Variants in BACH2 observed in about 807,000 individuals in gnomAD.
BACH2 encodes the protein BACH transcriptional regulator 2.
Under a neutral mutation model 61.8 loss-of-function variants are expected in BACH2, and 5 were observed. The observed-to-expected ratio is 0.08, with a 90% CI of 0.04 to 0.17. The LOEUF (loss-of-function observed/expected upper bound fraction) is 0.17. Among genes scored for constraint, BACH2 ranks in the 10% least tolerant of loss-of-function variants. The probability of loss-of-function intolerance (pLI) is 1.00; values close to 1 mark genes in which losing one functional copy is unlikely to be tolerated. For synonymous variants in BACH2, 446 were observed against 440.1 expected (o/e 1.01, Z -0.17); for missense variants, 824 against 1,091.1 (o/e 0.76, Z 3.45).
chr6:90,156,079 CT>C (rs1347385469), intron 4 of BACH2, among the ~76,000 whole-genome samples: 3 of 152,126 alleles, frequency 2.0e-5, no homozygotes, highest in Non-Finnish European at 4.4e-5. Flanking sequence ...GAAGCAGTGA[CT>C]CACCTGAAAA....
chr6:90,033,263 C>T (rs935262119), intron 5 of BACH2, among the ~76,000 whole-genome samples: 3 of 150,744 alleles, frequency 2.0e-5, no homozygotes, highest in South Asian at 2.1e-4. Flanking sequence ...TGTTAAATGA[C>T]GTGTTACTGG....
intron 6 of BACH2, among the ~76,000 whole-genome samples, chr6:89,970,701 C>A (rs989700304): frequency 6.6e-6 from 1 of 151,944 alleles, no homozygotes; most frequent in Non-Finnish European, 1.5e-5. Flanking sequence ...TGTTTCTGGC[C>A]CCCCCCAGAT....
intron 5 of BACH2, among the ~76,000 whole-genome samples, chr6:90,057,812 G>A (rs1780451011): frequency 6.6e-6 from 1 of 152,168 alleles, no homozygotes; most frequent in South Asian, 2.1e-4. Context: ...ATGCAAGGCT[G>A]GTTCAACATA....
At chr6:90,151,131 C>T (rs1295203352) in intron 4 of BACH2, among the ~76,000 whole-genome samples, 1 of 152,166 alleles carries the variant, frequency 6.6e-6, no homozygotes, top group Non-Finnish European at 1.5e-5. Context: ...CACTTTTTGG[C>T]ATTCTATCAG....
At chr6:90,230,086 A>T (rs1033545496) in intron 3 of BACH2, among the ~76,000 whole-genome samples, 1 of 152,194 alleles carries the variant, frequency 6.6e-6, no homozygotes, top group African/African-American at 2.4e-5. Flanking sequence ...AAAGTTCCCC[A>T]GGTGTGGTTA....
chr6:90,176,235 A>G (rs1013095661), intron 4 of BACH2, among the ~76,000 whole-genome samples: 2 of 152,204 alleles, frequency 1.3e-5, no homozygotes. Context: ...ACACATAGCA[A>G]AGCAGGAGTT....
At chr6:90,011,803 C>A (rs879491447) in intron 5 of BACH2, among the ~76,000 whole-genome samples, 1 of 151,736 alleles carries the variant, frequency 6.6e-6, no homozygotes, top group African/African-American at 2.4e-5. Flanking sequence ...TGCCTGTAAT[C>A]CCAGCTACTT....
chr6:90,185,577 C>G (rs1311121807), intron 4 of BACH2, among the ~76,000 whole-genome samples: 1 of 151,940 alleles, frequency 6.6e-6, no homozygotes, highest in Non-Finnish European at 1.5e-5. Context: ...ACTTTACTTT[C>G]CAATTTTTCT....
chr6:90,159,855 T>C (rs905701720), intron 4 of BACH2, among the ~76,000 whole-genome samples: 4 of 152,220 alleles, frequency 2.6e-5, no homozygotes, highest in Non-Finnish European at 5.9e-5. Context: ...AAATTGTGTA[T>C]ATATTTGTGA....
rs147151413 is a variant in BACH2, at chr6:89,951,960, C to T, written c.244-98G>A. The stretch of plus-strand genomic sequence containing the variant: ...AAGATAACCAGACAGTGCTAATGTC[C>T]CAGAATAAAGACTGCAAAGGGGCAG... On this transcript the variant is annotated intron_variant, in intron 6 of 8. Coordinates refer to ENST00000257749, the MANE Select transcript of BACH2 (RefSeq NM_021813.4). This position sits in a 1 kb window ranked among gnomAD's most constrained non-coding sequence, Gnocchi z 6.4. 7.1e-6 allele frequency: 10 copies of T among 1,410,638 alleles called. No individual in the cohort carries two copies. In the African/African-American group the frequency reaches 1.3e-4, roughly 18 times the overall value. The allele number at this position is 1,410,638 out of a possible 1,614,324, so 87.4% of individuals were successfully genotyped here.
At chr6:90,232,010 A>G (rs1770116351) in intron 3 of BACH2, among the ~76,000 whole-genome samples, 1 of 152,192 alleles carries the variant, frequency 6.6e-6, no homozygotes, top group South Asian at 2.1e-4. Flanking sequence ...AGAGAGAGAG[A>G]GAGAAGCCCA....
intron 6 of BACH2, among the ~76,000 whole-genome samples, chr6:89,975,502 A>G (rs1224335123): frequency 1.3e-5 from 2 of 152,024 alleles, no homozygotes; most frequent in Admixed American, 6.6e-5. Context: ...CATCTTTGCA[A>G]TTTTGCTCAA....
Position 89,950,659 on chromosome 6 carries a change from C to G in BACH2, c.1447G>C (p.Gly483Arg). The change falls in exon 7 of 9, where the codon GGT becomes CGT. Residue 483 changes from glycine to arginine, a missense_variant. Around this residue, in one of 8 missense-constraint regions of BACH2, gnomAD observed 102 missense variants for 98.1 expected, o/e 1.04. Transcript: ENST00000257749. The surrounding 1 kb of genome is among the most constrained non-coding windows in gnomAD (Gnocchi z 5.3). Reference sequence around the variant, plus strand: ...GGCAAGTGGTCGGCCATCAGCCCACCGTGGGAGTAGGCCTGCGAGCTGGGG... The same window carrying G: ...GGCAAGTGGTCGGCCATCAGCCCACGGTGGGAGTAGGCCTGCGAGCTGGGG... ...SLPSSQAYSH[G>R]GLMADHLPGR... The G allele has an allele frequency of 6.2e-7, 1 of 1,614,150 alleles. No individual in the cohort carries two copies. Among genetic ancestry groups the G allele is most frequent in the Non-Finnish European group, 8.5e-7 (1 of 1,180,024 alleles).
intron 6 of BACH2, among the ~76,000 whole-genome samples, chr6:89,982,809 C>A (rs1370408500): frequency 6.6e-6 from 1 of 152,214 alleles, no homozygotes; most frequent in Non-Finnish European, 1.5e-5. Flanking sequence ...CCATGGCAAG[C>A]AGGGCCGGGT....
chr6:89,938,403 C>T (rs1773157691), intron 7 of BACH2, 53 bp from the exon 8 acceptor site: 1 of 1,485,278 alleles, frequency 6.7e-7, no homozygotes, highest in African/African-American at 1.4e-5. Context: ...TTAATTCTGG[C>T]AGGCGGAACA....
Position 89,927,296 on chromosome 6 carries a change from C to T in BACH2, c.*5112G>A, listed in dbSNP as rs1772404396. 6.5e-6 allele frequency: 1 copy of T among 152,814 alleles called. No homozygotes were observed. Among genetic ancestry groups the T allele is most frequent in the Non-Finnish European group, 1.5e-5 (1 of 68,056 alleles). 9.5% of individuals were successfully genotyped at this position (152,814 alleles called of 1,614,324 possible). On this transcript the variant is annotated 3_prime_UTR_variant, in exon 9 of 9. Transcript: ENST00000257749. ...TGAAACGGGCATCCCAGGATTTGCA[C>T]ACACAAAATACATTGTTAGGACTTA... is the stretch of plus-strand genomic sequence containing the variant.
At chr6:90,278,027 AG>A (rs1771747992) in intron 1 of BACH2, among the ~76,000 whole-genome samples, 1 of 152,258 alleles carries the variant, frequency 6.6e-6, no homozygotes, top group Admixed American at 6.5e-5. Context: ...TAACAATCAA[AG>A]ATATGCAACA....
At chr6:90,175,289 T>C (rs867907437) in intron 4 of BACH2, among the ~76,000 whole-genome samples, 2 of 152,306 alleles carry the variant, frequency 1.3e-5, no homozygotes, top group Middle Eastern at 3.4e-3. Context: ...TTCCTTATTC[T>C]AGGAAAGTTG....
chr6:89,975,531 T>C (rs553836324), intron 6 of BACH2, among the ~76,000 whole-genome samples: 2 of 152,354 alleles, frequency 1.3e-5, no homozygotes, highest in South Asian at 4.1e-4. Flanking sequence ...CATATTCACT[T>C]GGCACACAGT....
Sources: allele counts gnomAD v4.1 joint callset (sites outside exome capture counted in the v4.1 genomes callset), GRCh38; gene constraint gnomAD v4.1.1; regional missense constraint gnomAD v4.1.1; non-coding constraint Gnocchi (gnomAD v3.1); transcripts MANE v1.5; gene names NCBI Gene and HGNC (gene_info 2026-07-23, HGNC 2026-07-21).